The following AUTS2 variants were observed in gnomAD, a reference collection of about 807,000 sequenced individuals.
The protein encoded by AUTS2 is activator of transcription and developmental regulator AUTS2, also known as autism susceptibility gene 2 protein.
Under a neutral mutation model 112.4 loss-of-function variants are expected in AUTS2, and 17 were observed. The ratio of observed to expected loss-of-function variants is 0.15; its 90% CI spans 0.10 to 0.23. The LOEUF (loss-of-function observed/expected upper bound fraction) is 0.23. AUTS2 is among the 10% of genes least tolerant of loss of function. The pLI is 1.00. For synonymous variants in AUTS2, 751 were observed against 702.7 expected (o/e 1.07, Z -1.09); for missense variants, 1,510 against 1,701.6 (o/e 0.89, Z 1.98).
At chr7:69,683,225 G>C (rs117797601) in intron 1 of AUTS2, among the ~76,000 whole-genome samples, 2 of 152,084 alleles carry the variant, frequency 1.3e-5, no homozygotes, top group Non-Finnish European at 2.9e-5. Flanking sequence ...ATATGCAAAC[G>C]CAGCTACCTG....
chr7:70,000,886 T>C (rs1176900215), intron 2 of AUTS2, among the ~76,000 whole-genome samples: 1 of 152,038 alleles, frequency 6.6e-6, no homozygotes. Context: ...GAAAAATTGG[T>C]AATGACTGAC....
At chr7:69,618,443 C>T (rs544388729) in intron 1 of AUTS2, among the ~76,000 whole-genome samples, 1 of 152,180 alleles carries the variant, frequency 6.6e-6, no homozygotes, top group South Asian at 2.1e-4. Context: ...TTGACTGGAG[C>T]GTTTTTCAAG....
At chr7:69,771,621 A>G (rs1429692031) in intron 1 of AUTS2, among the ~76,000 whole-genome samples, 1 of 152,152 alleles carries the variant, frequency 6.6e-6, no homozygotes, top group Non-Finnish European at 1.5e-5. Flanking sequence ...TCCTTGGTCA[A>G]GAAGAGTTTG....
At chr7:70,562,358 A>G (rs1801525213) in intron 5 of AUTS2, among the ~76,000 whole-genome samples, 1 of 152,224 alleles carries the variant, frequency 6.6e-6, no homozygotes, top group South Asian at 2.1e-4. Context: ...ACAGAGAATG[A>G]AGGATGACAA....
intron 2 of AUTS2, among the ~76,000 whole-genome samples, chr7:70,083,326 A>G (rs1157193196): frequency 6.6e-6 from 1 of 152,154 alleles, no homozygotes; most frequent in South Asian, 2.1e-4. Context: ...GAGGCGGCAA[A>G]TAGTGTGTAT....
At chr7:70,460,642 C>T (rs1034458110) in intron 5 of AUTS2, among the ~76,000 whole-genome samples, 4 of 152,124 alleles carry the variant, frequency 2.6e-5, no homozygotes, top group South Asian at 2.1e-4. Flanking sequence ...TGAGCCACCC[C>T]ACCCGCTGAG....
At chr7:69,979,687 G>A (rs1798213726) in intron 2 of AUTS2, among the ~76,000 whole-genome samples, 1 of 152,208 alleles carries the variant, frequency 6.6e-6, no homozygotes, top group East Asian at 1.9e-4. Flanking sequence ...AGAGTATGCA[G>A]TGCATCAAAT....
At chr7:69,837,270 G>A (rs1347130528) in intron 1 of AUTS2, among the ~76,000 whole-genome samples, 2 of 152,154 alleles carry the variant, frequency 1.3e-5, no homozygotes, top group Non-Finnish European at 2.9e-5. Flanking sequence ...AATGATGTAA[G>A]TTATCCATGT....
chr7:70,583,752 T>C lies in AUTS2; in HGVS notation c.691-114817T>C, dbSNP rs146758670. On this transcript the variant is annotated intron_variant, in intron 5 of 18. Transcript: ENST00000342771. ...CCTCTGCCGAGCAACTCTGTCCTTC[T>C]GGGCGAGCCTTTCTTTGTGGAAGAA... 5.9e-5 allele frequency among the ~76,000 whole-genome samples: 9 copies of C among 152,330 alleles called. No individual in the cohort carries two copies. In the East Asian group the frequency reaches 1.4e-3, roughly 23 times the overall value.
intron 2 of AUTS2, among the ~76,000 whole-genome samples, chr7:70,053,430 A>G (rs1440231278): frequency 6.6e-6 from 1 of 152,146 alleles, no homozygotes; most frequent in Non-Finnish European, 1.5e-5. Context: ...AGTGAATAAT[A>G]ATGTGCTATA....
At chr7:70,024,148 A>C (rs1239352750) in intron 2 of AUTS2, among the ~76,000 whole-genome samples, 1 of 152,196 alleles carries the variant, frequency 6.6e-6, no homozygotes, top group Admixed American at 6.5e-5. Flanking sequence ...CCCCATTATA[A>C]TTCTGGATTC....
chr7:70,686,371 C>G (rs2129545798), intron 5 of AUTS2, among the ~76,000 whole-genome samples: 1 of 152,270 alleles, frequency 6.6e-6, no homozygotes. Flanking sequence ...TACAGAGATG[C>G]AAAGTCCTCT....
At chr7:69,974,569 A>T (rs1309425499) in intron 2 of AUTS2, among the ~76,000 whole-genome samples, 8 of 152,112 alleles carry the variant, frequency 5.3e-5, no homozygotes, top group Non-Finnish European at 1.0e-4. Context: ...CCTGAGAACC[A>T]CAAGGGCTGA....
intron 4 of AUTS2, among the ~76,000 whole-genome samples, chr7:70,364,657 C>A (rs891584567): frequency 6.6e-6 from 1 of 151,122 alleles, no homozygotes; most frequent in African/African-American, 2.4e-5. Context: ...ATAAGTATTT[C>A]AATTTAAATA....
chr7:69,926,640 C>G (rs1398352250), intron 2 of AUTS2, among the ~76,000 whole-genome samples: 1 of 151,618 alleles, frequency 6.6e-6, no homozygotes, highest in Non-Finnish European at 1.5e-5. Context: ...TCCTTACCCT[C>G]TTTCCCTGCA....
chr7:70,780,452 A>G (rs1184505218), intron 14 of AUTS2, among the ~76,000 whole-genome samples: 1 of 151,156 alleles, frequency 6.6e-6, no homozygotes, highest in Non-Finnish European at 1.5e-5. Context: ...CCTCGGTCAC[A>G]GCAACCTCCG....
intron 5 of AUTS2, among the ~76,000 whole-genome samples, chr7:70,487,613 C>T (rs1200670710): frequency 1.3e-5 from 2 of 152,080 alleles, no homozygotes; most frequent in African/African-American, 2.4e-5. Context: ...GAGCTGGGGC[C>T]GGTTTTGATG....
intron 6 of AUTS2, among the ~76,000 whole-genome samples, chr7:70,718,259 C>T (rs913726947): frequency 4.6e-5 from 7 of 152,308 alleles, no homozygotes; most frequent in African/African-American, 4.8e-5. Context: ...CTTCCCCGGC[C>T]GGCCTCCATC....
intron 2 of AUTS2, among the ~76,000 whole-genome samples, chr7:70,095,279 C>A (rs540891394): frequency 6.6e-6 from 1 of 151,830 alleles, no homozygotes; most frequent in East Asian, 1.9e-4. Context: ...TGTGTGCGTG[C>A]GTGCGCTCAC....
Sources: gnomAD v4.1 joint callset for allele counts (sites outside exome capture counted in the v4.1 genomes callset) on GRCh38, gnomAD v4.1.1 for gene constraint, MANE v1.5 for transcripts, NCBI Gene and HGNC (gene_info 2026-07-23, HGNC 2026-07-21) for gene names.